Variants in SLC35F4 observed in about 807,000 individuals in gnomAD.
The protein encoded by SLC35F4 is solute carrier family 35 member F4, also known as chromosome 14 open reading frame 36.
A neutral mutation model predicts 44.2 loss-of-function variants in SLC35F4; 24 were observed. The ratio of observed to expected loss-of-function variants is 0.54; its 90% CI spans 0.39 to 0.76. The LOEUF (loss-of-function observed/expected upper bound fraction) is 0.76, where lower values mean the gene tolerates loss of function less well. SLC35F4 is among the 30% of genes least tolerant of loss of function. The pLI, the probability that SLC35F4 is intolerant of heterozygous loss-of-function variation, is 0.00. For synonymous variants in SLC35F4, 238 were observed against 223.6 expected, an observed-to-expected ratio of 1.06 and a Z score of -0.57; for missense variants, 562 against 586.1, an observed-to-expected ratio of 0.96 and a Z score of 0.42.
At chr14:57,829,336 A>G (rs981637990) in intron 1 of SLC35F4, among the ~76,000 whole-genome samples, 3 of 152,202 alleles carry the variant, frequency 2.0e-5, no homozygotes, top group Non-Finnish European at 4.4e-5. Context: ...GGGGAAGGGA[A>G]CTATGCAGAG....
At chr14:57,973,330 A>C (rs74055573), downstream of SLC35F4, among the ~76,000 whole-genome samples, 1,424 of 152,296 alleles carry the variant, frequency 9.4e-3, 24 homozygotes, top group African/African-American at 0.032. Flanking sequence ...GCAGCCAGAG[A>C]ACCCAGGAGG....
At chr14:57,624,881 T>G (rs2072393496) in intron 1 of SLC35F4, among the ~76,000 whole-genome samples, 1 of 152,158 alleles carries the variant, frequency 6.6e-6, no homozygotes. Context: ...AGCATTCCCT[T>G]TGAAAACCGG....
At chr14:57,931,578 T>A (rs1020494635) in intron 1 of SLC35F4, among the ~76,000 whole-genome samples, 1 of 151,948 alleles carries the variant, frequency 6.6e-6, no homozygotes, top group Non-Finnish European at 1.5e-5. Context: ...AATTAGTTCT[T>A]TCCACATAGC....
At chr14:57,671,559 G>A (rs959758714) in intron 1 of SLC35F4, among the ~76,000 whole-genome samples, 5 of 151,906 alleles carry the variant, frequency 3.3e-5, no homozygotes, top group African/African-American at 1.2e-4. Context: ...AGAGCCCTTG[G>A]GCCCCAAATA....
intron 2 of SLC35F4, among the ~76,000 whole-genome samples, chr14:57,591,993 C>T (rs2070216589): frequency 6.6e-6 from 1 of 152,224 alleles, no homozygotes; most frequent in Non-Finnish European, 1.5e-5. Context: ...TAGGCTTCTT[C>T]TGTTAACTAG....
At chr14:57,627,285 C>A (rs1054958270) in intron 1 of SLC35F4, among the ~76,000 whole-genome samples, 6 of 151,992 alleles carry the variant, frequency 3.9e-5, no homozygotes, top group Non-Finnish European at 5.9e-5. Context: ...CATTTATCTT[C>A]GTAGTCTCAA....
chr14:57,781,300 A>G lies in SLC35F4; in HGVS notation c.103+84423T>C, dbSNP rs1464391109. 2.0e-5 allele frequency among the ~76,000 whole-genome samples: 3 copies of G among 152,216 alleles called. No individual in the cohort carries two copies. In the East Asian group the frequency reaches 5.8e-4, roughly 29 times the overall value. On this transcript the variant is annotated intron_variant, in intron 1 of 7. Transcript: ENST00000556826. ...CAAAGAAGACATACATGTGCCCAACAAGCATATTTTTAAAAGCTCAATATC... is the reference window on the plus strand; with the variant it reads ...CAAAGAAGACATACATGTGCCCAACGAGCATATTTTTAAAAGCTCAATATC...
chr14:57,976,154 G>C (rs1407678823), downstream of SLC35F4, among the ~76,000 whole-genome samples: 1 of 152,202 alleles, frequency 6.6e-6, no homozygotes, highest in Non-Finnish European at 1.5e-5. Context: ...GTCTGCTTAG[G>C]AAGGAACCTA....
chr14:57,743,027 G>C (rs1256565047), intron 1 of SLC35F4, among the ~76,000 whole-genome samples: 1 of 152,068 alleles, frequency 6.6e-6, no homozygotes, highest in African/African-American at 2.4e-5. Context: ...AAACCAATGA[G>C]AACAAAGACA....
chr14:57,642,189 T>C (rs927776951), intron 1 of SLC35F4, among the ~76,000 whole-genome samples: 1 of 151,968 alleles, frequency 6.6e-6, no homozygotes, highest in East Asian at 1.9e-4. Flanking sequence ...ATTTTTAACC[T>C]TATCTAGACA....
intron 1 of SLC35F4, among the ~76,000 whole-genome samples, chr14:57,958,603 T>C (rs931250982): frequency 2.0e-5 from 3 of 152,142 alleles, no homozygotes; most frequent in African/African-American, 7.2e-5. Flanking sequence ...TTCGTGTGTA[T>C]ACCAAAAACC....
intron 1 of SLC35F4, among the ~76,000 whole-genome samples, chr14:57,824,797 A>G (rs1883549157): frequency 6.6e-6 from 1 of 152,196 alleles, no homozygotes; most frequent in Admixed American, 6.5e-5. Context: ...TTGTGTGCTC[A>G]CGGAAGTGTA....
Position 57,977,570 on chromosome 14 carries a change from G to A in SLC35F4, n.152-613C>T, listed in dbSNP as rs139944486. Among the ~76,000 whole-genome samples the A allele has an allele frequency of 4.2e-3, 640 of 152,252 alleles. 2 individuals are homozygous for A. Among genetic ancestry groups the A allele is most frequent in the Non-Finnish European group, 6.1e-3 (415 of 68,018 alleles). On this transcript the variant is annotated intron_variant and non_coding_transcript_variant, in intron 1 of 1. Transcript: ENST00000554648. Reference sequence around the variant, plus strand: ...GCTGTAATCCATCACTGTAGAATTCGGGATGGTACATTCATTCAGAATGGT... The same window carrying A: ...GCTGTAATCCATCACTGTAGAATTCAGGATGGTACATTCATTCAGAATGGT...
intron 1 of SLC35F4, among the ~76,000 whole-genome samples, chr14:57,796,433 G>T (rs908823619): frequency 2.0e-5 from 3 of 152,058 alleles, no homozygotes; most frequent in Non-Finnish European, 4.4e-5. Context: ...TCTGACCTGT[G>T]AATTAAAATT....
At chr14:57,840,091 G>T (rs1885347339) in intron 1 of SLC35F4, among the ~76,000 whole-genome samples, 1 of 152,222 alleles carries the variant, frequency 6.6e-6, no homozygotes, top group Non-Finnish European at 1.5e-5. Flanking sequence ...CATATTTTCT[G>T]TTTTAATTCT....
chr14:57,932,850 C>G (rs1016092237), intron 1 of SLC35F4, among the ~76,000 whole-genome samples: 3 of 152,110 alleles, frequency 2.0e-5, no homozygotes, highest in Middle Eastern at 3.4e-3. Context: ...ATCTATAGAT[C>G]TTGATTTGAA....
At chr14:57,833,021 G>T (rs890808655) in intron 1 of SLC35F4, among the ~76,000 whole-genome samples, 2 of 152,224 alleles carry the variant, frequency 1.3e-5, no homozygotes, top group Non-Finnish European at 2.9e-5. Flanking sequence ...GAACACGAGA[G>T]CAGGTGTCCC....
At chr14:57,890,552 C>T (rs986215660) in intron 1 of SLC35F4, among the ~76,000 whole-genome samples, 2 of 75,748 alleles carry the variant, frequency 2.6e-5, no homozygotes, top group Admixed American at 1.0e-4. Flanking sequence ...AGCCCCTCTC[C>T]ACTGCATGGA....
chr14:57,865,065 C>T (rs1888011327), intron 1 of SLC35F4, among the ~76,000 whole-genome samples: 2 of 150,654 alleles, frequency 1.3e-5, no homozygotes, highest in Admixed American at 1.3e-4. Flanking sequence ...CAGACCCCCC[C>T]CCCCCACGCC....
Sources: allele counts gnomAD v4.1 joint callset (sites outside exome capture counted in the v4.1 genomes callset), GRCh38; gene constraint gnomAD v4.1.1; transcripts MANE v1.5; gene names NCBI Gene and HGNC (gene_info 2026-07-23, HGNC 2026-07-21).